ARHGEF4: variants seen among roughly 807,000 people sequenced by gnomAD.
ARHGEF4 encodes the protein APC-stimulated guanine nucleotide exchange factor 1.
ARHGEF4 carries 119 observed loss-of-function variants against 162.0 expected under a neutral mutation model. The ratio of observed to expected loss-of-function variants is 0.73; its 90% CI spans 0.63 to 0.86. The LOEUF is 0.86. Among genes scored for constraint, ARHGEF4 ranks in the 40% least tolerant of loss-of-function variants. The pLI is 0.00. For synonymous variants in ARHGEF4, 1,014 were observed against 979.9 expected (o/e 1.03, Z -0.65); for missense variants, 2,488 against 2,456.0 (o/e 1.01, Z -0.28).
At chr2:131,009,641 TAAATA>T (rs978199234) in intron 4 of ARHGEF4, among the ~76,000 whole-genome samples, 6 of 152,338 alleles carry the variant, frequency 3.9e-5, no homozygotes, top group African/African-American at 1.4e-4. Context: ...GCCTATTCAG[TAAATA>T]TTTTTATTTT....
chr2:130,969,326 G>A (rs996861139), intron 4 of ARHGEF4, among the ~76,000 whole-genome samples: 33 of 152,088 alleles, frequency 2.2e-4, no homozygotes, highest in Admixed American at 9.8e-4. Context: ...AGCCGGGTGC[G>A]TTGGGTCACA....
Position 131,046,306 on chromosome 2 carries a change from G to A in ARHGEF4, c.*117G>A. 6 of 1,109,034 alleles carry A rather than the reference G, an allele frequency of 5.4e-6. No homozygotes were observed. The highest frequency in any genetic ancestry group is 7.6e-6 in the Non-Finnish European group (6 of 786,548). The allele number at this position is 1,109,034 out of a possible 1,614,324, so 68.7% of individuals were successfully genotyped here. A position where few individuals can be genotyped will look rare whatever the true frequency, so the allele number is the denominator to read the frequency against. On this transcript the variant is annotated 3_prime_UTR_variant, in exon 14 of 14. Transcript: ENST00000409359. ...GCCTGCAAGTGAGCAGGGATGGGCT[G>A]GGGAGTTGCTTGTGCCACCAAGACG...
chr2:130,932,000 G>C (rs1364631256), intron 3 of ARHGEF4, among the ~76,000 whole-genome samples: 1 of 151,932 alleles, frequency 6.6e-6, no homozygotes, highest in African/African-American at 2.4e-5. Flanking sequence ...TATATTTTGC[G>C]ACCACCACCT....
chr2:130,896,460 C>T (rs995630456), intron 1 of ARHGEF4, among the ~76,000 whole-genome samples: 2 of 152,218 alleles, frequency 1.3e-5, no homozygotes, highest in African/African-American at 2.4e-5. Flanking sequence ...TGCCTGCAGA[C>T]ATGGGAAGGA....
chr2:130,905,591 C>A (rs1438968644), intron 1 of ARHGEF4, among the ~76,000 whole-genome samples: 1 of 151,524 alleles, frequency 6.6e-6, no homozygotes, highest in African/African-American at 2.4e-5. Flanking sequence ...TTAAAGCAGC[C>A]CCCCCAACTT....
intron 1 of ARHGEF4, among the ~76,000 whole-genome samples, chr2:130,839,286 C>T (rs1680435506): frequency 6.6e-6 from 1 of 152,168 alleles, no homozygotes; most frequent in African/African-American, 2.4e-5. Flanking sequence ...CCGCCTGGTG[C>T]CTCCTGGTGT....
intron 4 of ARHGEF4, among the ~76,000 whole-genome samples, chr2:130,987,439 G>A (rs1686593309): frequency 6.6e-6 from 1 of 152,206 alleles, no homozygotes; most frequent in Non-Finnish European, 1.5e-5. Context: ...AAAGGACAAT[G>A]CTTCCACAGC....
At chr2:130,988,868 GTGTGTATATATATA>G (rs1479978158) in intron 4 of ARHGEF4, among the ~76,000 whole-genome samples, 2 of 20,770 alleles carry the variant, frequency 9.6e-5, no homozygotes, top group Non-Finnish European at 1.4e-4. Context: ...GTGTGTGTGT[GTGTGTATATATATA>G]TATATATATA....
rs556580768 is a variant in ARHGEF4 at position 131,046,211 on chromosome 2, C to T, written c.*22C>T. On this transcript the variant is annotated 3_prime_UTR_variant, in exon 14 of 14. Transcript: ENST00000409359. ...GTGAACTGGTCCCTGCCTGACAGCA[C>T]CTGCTGGGCCTTCCTGCCAGTGGCC... 1.4e-5 allele frequency: 22 copies of T among 1,590,678 alleles called. No homozygotes were observed. In the Admixed American group the frequency reaches 2.7e-4, roughly 20 times the overall value.
At chr2:131,038,770 G>T in intron 5 of ARHGEF4, 83 bp from the exon 6 acceptor site, 1 of 1,451,940 alleles carries the variant, frequency 6.9e-7, no homozygotes, top group Admixed American at 2.1e-5. Flanking sequence ...TCTTCCCAGG[G>T]CTGCTGAGGG....
At chr2:130,972,256 AT>A (rs775529505) in intron 4 of ARHGEF4, among the ~76,000 whole-genome samples, 4 of 152,236 alleles carry the variant, frequency 2.6e-5, no homozygotes, top group Non-Finnish European at 4.4e-5. Flanking sequence ...GGAGAAAAAT[AT>A]ATCACTTACA....
chr2:130,843,274 C>T (rs547995776), intron 1 of ARHGEF4, among the ~76,000 whole-genome samples: 7 of 152,340 alleles, frequency 4.6e-5, no homozygotes, highest in African/African-American at 1.7e-4. Flanking sequence ...ACTCCAGGTT[C>T]CTGGGGCCTC....
chr2:130,952,784 A>G (rs577348380), intron 4 of ARHGEF4, among the ~76,000 whole-genome samples: 12 of 152,304 alleles, frequency 7.9e-5, no homozygotes, highest in East Asian at 5.8e-4. Context: ...CAGCCAAATC[A>G]TGAGTGAACT....
At chr2:130,997,079 C>T (rs753599097) in intron 4 of ARHGEF4, among the ~76,000 whole-genome samples, 1 of 152,158 alleles carries the variant, frequency 6.6e-6, no homozygotes, top group Non-Finnish European at 1.5e-5. Flanking sequence ...TGGCTTCTGC[C>T]TTGTGCTATT....
intron 4 of ARHGEF4, among the ~76,000 whole-genome samples, chr2:130,987,288 C>T (rs1387166841): frequency 2.0e-5 from 3 of 152,216 alleles, no homozygotes; most frequent in East Asian, 1.9e-4. Context: ...TCAGCTTTCT[C>T]CCTGGGGTCC....
intron 1 of ARHGEF4, among the ~76,000 whole-genome samples, chr2:130,913,507 G>A (rs1681314400): frequency 6.6e-6 from 1 of 151,924 alleles, no homozygotes; most frequent in South Asian, 2.1e-4. Flanking sequence ...TGTACTTTTT[G>A]TGTTTTTTTG....
intron 10 of ARHGEF4, among the ~76,000 whole-genome samples, chr2:131,042,564 CT>C (rs1315539428): frequency 1.3e-5 from 2 of 152,280 alleles, no homozygotes; most frequent in African/African-American, 4.8e-5. Flanking sequence ...GAGAAATGGC[CT>C]GGAAATCAAT....
chr2:130,990,717 T>G (rs1238763045), intron 4 of ARHGEF4, among the ~76,000 whole-genome samples: 1 of 152,110 alleles, frequency 6.6e-6, no homozygotes, highest in East Asian at 1.9e-4. Flanking sequence ...ATTATCCACT[T>G]GGGAACAGAT....
intron 3 of ARHGEF4, among the ~76,000 whole-genome samples, chr2:130,935,645 T>TC (rs1399657337): frequency 5.3e-5 from 8 of 152,362 alleles, no homozygotes; most frequent in Admixed American, 2.0e-4. Context: ...TCTTATGATT[T>TC]CTTCTTTGAC....
Sources: allele counts gnomAD v4.1 joint callset (sites outside exome capture counted in the v4.1 genomes callset), GRCh38; gene constraint gnomAD v4.1.1; transcripts MANE v1.5; gene names NCBI Gene and HGNC (gene_info 2026-07-23, HGNC 2026-07-21).